The following TAFA2 variants were observed in gnomAD, a reference collection of about 807,000 sequenced individuals.
TAFA2 encodes TAFA chemokine like family member 2.
Under a neutral mutation model 18.8 loss-of-function variants are expected in TAFA2, and 7 were observed. The observed-to-expected ratio is 0.37, with a 90% confidence interval of 0.21 to 0.70. The LOEUF (loss-of-function observed/expected upper bound fraction) is 0.70, where lower values mean the gene tolerates loss of function less well. Ranked by LOEUF, TAFA2 falls within the 30% of genes least tolerant of loss-of-function variation. TAFA2 has a pLI of 0.53. For missense variants in TAFA2, 122 were observed against 158.1 expected (o/e 0.77, Z 1.23); for synonymous variants, 60 against 54.2 (o/e 1.11, Z -0.47).
At chr12:62,012,809 C>A (rs910592073) in intron 1 of TAFA2, among the ~76,000 whole-genome samples, 12 of 152,106 alleles carry the variant, frequency 7.9e-5, no homozygotes, top group Admixed American at 6.5e-5. Context: ...AAATAAAATT[C>A]TATATTCCTG....
In TAFA2 at chr12:62,058,385, T is replaced by C. The variant is rs191103483; in HGVS notation, c.-2+132874A>G. On this transcript the variant is annotated intron_variant, in intron 1 of 4. Coordinates refer to ENST00000416284, the MANE Select transcript of TAFA2 (RefSeq NM_178539.5). ...CTCTCCTCCCACAATTCTAATTAGATAGATATTAGACTTTTCACGTATTGT... is the reference window on the plus strand; with the variant it reads ...CTCTCCTCCCACAATTCTAATTAGACAGATATTAGACTTTTCACGTATTGT... 5.3e-4 allele frequency among the ~76,000 whole-genome samples: 80 copies of C among 152,310 alleles called. No homozygotes were observed. The East Asian group carries it at 0.015, about 28-fold the overall frequency.
chr12:62,043,097 T>C (rs1881807302), intron 1 of TAFA2, among the ~76,000 whole-genome samples: 1 of 152,200 alleles, frequency 6.6e-6, no homozygotes, highest in African/African-American at 2.4e-5. Context: ...AAATATGTCA[T>C]TTTAATTCAC....
At chr12:62,163,726 A>C (rs1252244486) in intron 1 of TAFA2, among the ~76,000 whole-genome samples, 1 of 152,170 alleles carries the variant, frequency 6.6e-6, no homozygotes, top group Non-Finnish European at 1.5e-5. Flanking sequence ...GAGGCTATTT[A>C]AATATGGCAA....
chr12:61,902,241 T>C (rs1332993418), intron 1 of TAFA2, among the ~76,000 whole-genome samples: 1 of 152,104 alleles, frequency 6.6e-6, no homozygotes, highest in Admixed American at 6.6e-5. Context: ...ATATATATTA[T>C]CTCTGTAACA....
rs1565743964 is a variant in TAFA2 at position 61,708,289 on chromosome 12, A to G, written c.*2117T>C. ...GAAAGAGAGTCCATTTTATATCCCA[A>G]TTTTATTCACCTTTTCTGAATAGTC... On this transcript the variant is annotated 3_prime_UTR_variant, in exon 5 of 5. Transcript: ENST00000416284. 6.6e-6 allele frequency: 1 copy of G among 152,110 alleles called. No individual in the cohort carries two copies. Among genetic ancestry groups the G allele is most frequent in the South Asian group, 2.1e-4 (1 of 4,830 alleles). The allele number at this position is 152,110 out of a possible 1,614,324, so 9.4% of individuals were successfully genotyped here.
intron 4 of TAFA2, among the ~76,000 whole-genome samples, chr12:61,718,006 A>T (rs1003900507): frequency 3.3e-5 from 5 of 152,212 alleles, no homozygotes; most frequent in African/African-American, 1.2e-4. Flanking sequence ...TGTCGTTTTG[A>T]TGGCCTAAAT....
At chr12:61,866,346 C>A (rs752612610) in intron 2 of TAFA2, among the ~76,000 whole-genome samples, 1 of 152,124 alleles carries the variant, frequency 6.6e-6, no homozygotes, top group African/African-American at 2.4e-5. Context: ...GCTAATTAAA[C>A]GGACATGTGT....
chr12:61,717,233 A>T (rs956259499), intron 4 of TAFA2, among the ~76,000 whole-genome samples: 2 of 152,214 alleles, frequency 1.3e-5, no homozygotes, highest in Non-Finnish European at 2.9e-5. Flanking sequence ...CATATCTTAA[A>T]GCACCTCATG....
intron 1 of TAFA2, among the ~76,000 whole-genome samples, chr12:61,922,829 C>A (rs776095756): frequency 1.3e-5 from 2 of 152,184 alleles, no homozygotes; most frequent in African/African-American, 2.4e-5. Flanking sequence ...TGGAGCCCAG[C>A]AAGCTAAGAT....
At chr12:61,741,605 A>G (rs1010044912) in intron 4 of TAFA2, among the ~76,000 whole-genome samples, 3 of 149,026 alleles carry the variant, frequency 2.0e-5, no homozygotes, top group African/African-American at 2.6e-5. Flanking sequence ...TAGAAGAGTT[A>G]TGGGCCATGC....
intron 1 of TAFA2, among the ~76,000 whole-genome samples, chr12:62,014,524 C>G (rs1396942233): frequency 1.3e-5 from 2 of 152,198 alleles, no homozygotes; most frequent in African/African-American, 4.8e-5. Context: ...TCCAGCTAGT[C>G]AGAGGGCTGA....
At chr12:61,850,728 G>A (rs993775894) in intron 2 of TAFA2, among the ~76,000 whole-genome samples, 1 of 151,934 alleles carries the variant, frequency 6.6e-6, no homozygotes, top group Non-Finnish European at 1.5e-5. Flanking sequence ...TACAGTGAAA[G>A]ATTATTCATT....
intron 2 of TAFA2, among the ~76,000 whole-genome samples, chr12:61,846,275 T>C (rs535686503): frequency 6.6e-6 from 1 of 152,290 alleles, no homozygotes; most frequent in South Asian, 2.1e-4. Context: ...AATATTGTTG[T>C]TGTGACTGGA....
intron 1 of TAFA2, among the ~76,000 whole-genome samples, chr12:61,988,779 G>C (rs1879900844): frequency 6.6e-6 from 1 of 152,166 alleles, no homozygotes; most frequent in Admixed American, 6.5e-5. Flanking sequence ...TTCAGCAGGA[G>C]GCTGTCTGTG....
At chr12:62,029,882 G>GTA (rs1329217135) in intron 1 of TAFA2, among the ~76,000 whole-genome samples, 1 of 151,760 alleles carries the variant, frequency 6.6e-6, no homozygotes, top group Non-Finnish European at 1.5e-5. Context: ...GGACTCTAGA[G>GTA]AAGTTTCTAG....
chr12:61,877,918 T>TACACACACACACAC (rs796244007), intron 1 of TAFA2, among the ~76,000 whole-genome samples: 16 of 78,600 alleles, frequency 2.0e-4, no homozygotes, highest in African/African-American at 8.3e-4. Flanking sequence ...TATATATATA[T>TACACACACACACAC]ATATATACAC....
chr12:61,847,503 A>G (rs969305892), intron 2 of TAFA2, among the ~76,000 whole-genome samples: 1 of 152,234 alleles, frequency 6.6e-6, no homozygotes, highest in Non-Finnish European at 1.5e-5. Context: ...GGACATGTAT[A>G]CATTACTTTG....
intron 2 of TAFA2, among the ~76,000 whole-genome samples, chr12:61,843,149 C>T (rs1043030007): frequency 1.3e-5 from 2 of 151,960 alleles, no homozygotes; most frequent in African/African-American, 4.8e-5. Context: ...AATTTACCTC[C>T]CTAAAAGCAT....
chr12:61,749,446 C>T (rs1868902748), intron 4 of TAFA2, among the ~76,000 whole-genome samples: 1 of 152,072 alleles, frequency 6.6e-6, no homozygotes, highest in African/African-American at 2.4e-5. Context: ...GTGCCCAGAT[C>T]ACAGTAAGAG....
Sources: gnomAD v4.1 joint callset for allele counts (sites outside exome capture counted in the v4.1 genomes callset) on GRCh38, gnomAD v4.1.1 for gene constraint, MANE v1.5 for transcripts, NCBI Gene and HGNC (gene_info 2026-07-23, HGNC 2026-07-21) for gene names.